The following MSH6 variants were observed in gnomAD, a reference collection of about 807,000 sequenced individuals.
MSH6 encodes DNA mismatch repair protein Msh6.
A neutral mutation model predicts 119.1 loss-of-function variants in MSH6; 85 were observed. The observed-to-expected ratio is 0.71, with a 90% CI of 0.60 to 0.85. The LOEUF is 0.85. Among genes scored for constraint, MSH6 ranks in the 40% least tolerant of loss-of-function variants. The pLI, the probability that MSH6 is intolerant of heterozygous loss-of-function variation, is 0.00. For synonymous variants in MSH6, 830 were observed against 586.9 expected (o/e 1.41, Z -5.99); for missense variants, 2,163 against 1,655.3 (o/e 1.31, Z -5.32).
rs1572724900 is a variant in MSH6 at position 47,799,894 on chromosome 2, C to T, written c.1911C>T (p.Leu637=). The part of the protein sequence containing the change: ...FWDASKTLRT[L]LEEEYFREKL... ...ATGCATCCAAAACTTTGAGAACTCT[C>T]CTTGAGGAAGAATATTTTAGGGAAA... Residue 637 remains leucine (L), a synonymous_variant, in exon 4 of 10, where the codon CTC becomes CTT. Coordinates refer to ENST00000234420, the MANE Select transcript of MSH6 (RefSeq NM_000179.3). The T allele has an allele frequency of 6.2e-7, 1 of 1,614,176 alleles. No individual in the cohort carries two copies. Among genetic ancestry groups the T allele is most frequent in the South Asian group, 1.1e-5 (1 of 91,084 alleles).
At chr2:47,790,363 G>A (rs936600379) in intron 1 of MSH6, among the ~76,000 whole-genome samples, 19 of 152,202 alleles carry the variant, frequency 1.2e-4, no homozygotes, top group East Asian at 1.9e-4. Context: ...GGCACGTTAC[G>A]CCCTCAGTTG....
intron 2 of MSH6, among the ~76,000 whole-genome samples, chr2:47,792,827 C>G (rs965206024): frequency 6.6e-6 from 1 of 150,544 alleles, no homozygotes; most frequent in Admixed American, 6.6e-5. Flanking sequence ...TGCCACCACA[C>G]CTGGCTAATT....
At chr2:47,784,497 C>G (rs1668225746) in intron 1 of MSH6, 1 of 152,018 alleles carries the variant, frequency 6.6e-6, no homozygotes, top group African/African-American at 2.4e-5. Flanking sequence ...GAGAGTTTCG[C>G]TCAAGTCCAG....
In MSH6 at chr2:47,783,584, G is replaced by A. The variant is rs553929240; in HGVS notation, c.260+91G>A. On this transcript the variant is annotated intron_variant, in intron 1 of 9. Transcript: ENST00000234420. ...GGAGGCTCGCACAGGGGGTTGGGGG[G>A]GTGCACGGCCTGGCCCTGGGCTCGG... The A allele has an allele frequency of 3.1e-4, 396 of 1,293,138 alleles. 1 individual carries two copies. Among genetic ancestry groups the A allele is most frequent in the South Asian group, 2.0e-4 (12 of 59,510 alleles). The allele number at this position is 1,293,138 out of a possible 1,614,324, so 80.1% of individuals were successfully genotyped here.
At position 47,806,509 on chromosome 2, in the gene MSH6, T is replaced by C. The variant is rs1553333474; in HGVS notation, c.3859T>C (p.Tyr1287His). ...DPSQETITFL[Y>H]KFIKGACPKS... ...CAGCCAGGAGACTATTACGTTCCTC[T>C]ATAAATTCATTAAGGGAGCTTGTCC... Residue 1287 changes from tyrosine to histidine, a missense_variant, in exon 9 of 10, where the codon TAT (tyrosine) becomes CAT (histidine). Transcript: ENST00000234420. The C allele has an allele frequency of 6.2e-7, 1 of 1,614,098 alleles. No homozygotes were observed. Among genetic ancestry groups the C allele is most frequent in the South Asian group, 1.1e-5 (1 of 91,086 alleles).
chr2:47,796,170 G>T (rs1558656897), intron 3 of MSH6, 107 bp downstream of exon 3: 1 of 1,160,228 alleles, frequency 8.6e-7, no homozygotes, highest in Non-Finnish European at 1.3e-6. Flanking sequence ...GTGTGTATAT[G>T]TATTATTTTA....
At chr2:47,788,850 G>C (rs1436230074) in intron 1 of MSH6, among the ~76,000 whole-genome samples, 1 of 145,300 alleles carries the variant, frequency 6.9e-6, no homozygotes, top group Non-Finnish European at 1.5e-5. Flanking sequence ...GGGATTATAG[G>C]AGTGAGCCAC....
chr2:47,801,784 A>G (rs1364591771), intron 4 of MSH6, among the ~76,000 whole-genome samples: 1 of 151,978 alleles, frequency 6.6e-6, no homozygotes, highest in African/African-American at 2.4e-5. Flanking sequence ...ATTTACAGGT[A>G]AGCACCGGCG....
intron 1 of MSH6, chr2:47,789,412 T>A: frequency 2.1e-6 from 1 of 466,076 alleles, no homozygotes; most frequent in East Asian, 6.1e-5. Context: ...ACACAAACTT[T>A]TTTTTCCTAG....
chr2:47,793,651 A>C (rs1440537822), intron 2 of MSH6, among the ~76,000 whole-genome samples: 1 of 151,830 alleles, frequency 6.6e-6, no homozygotes, highest in Admixed American at 6.6e-5. Context: ...ATAATAAATA[A>C]AGTAAAAAGA....
chr2:47,800,402 G>C lies in MSH6; in HGVS notation c.2419G>C (p.Glu807Gln), dbSNP rs587779923. ...CATGGTTGTGCCTGACAAAATCTCC[G>C]AAGTTGTAGAGCTTCTAAAGAAGCT... Reference protein sequence around the residue: ...DLMVVPDKISEVVELLKKLPD... With the variant: ...DLMVVPDKISQVVELLKKLPD... The change falls in exon 4 of 10, where the codon GAA becomes CAA. Residue 807 changes from glutamate to glutamine, a missense_variant. Physicochemically the swap from Glu to Gln is conservative, Grantham distance 29 (BLOSUM62 2). Coordinates refer to ENST00000234420, the MANE Select transcript of MSH6 (RefSeq NM_000179.3). 1 of 1,614,014 alleles carries C rather than the reference G, an allele frequency of 6.2e-7. No individual in the cohort carries two copies. The highest frequency in any genetic ancestry group is 8.5e-7 in the Non-Finnish European group (1 of 1,180,008).
In MSH6 at chr2:47,783,200, C is replaced by G. The variant is rs771435695; in HGVS notation, c.-34C>G. On this transcript the variant is annotated 5_prime_UTR_variant, in exon 1 of 10. Coordinates refer to ENST00000234420, the MANE Select transcript of MSH6 (RefSeq NM_000179.3). ...GATGCGGTGCTTTTAGGAGCTCCGT[C>G]CGACAGAACGGTTGGGCCTTGCCGG... The G allele has an allele frequency of 1.3e-5, 21 of 1,609,494 alleles. No individual in the cohort carries two copies. Among genetic ancestry groups the G allele is most frequent in the Non-Finnish European group, 9.3e-6 (11 of 1,178,832 alleles).
Position 47,801,013 on chromosome 2 carries a change from T to C in MSH6, c.3030T>C (p.Thr1010=), listed in dbSNP as rs1060504753. The C allele has an allele frequency of 6.4e-7, 1 of 1,571,994 alleles. No homozygotes were observed. The highest frequency in any genetic ancestry group is 8.6e-7 in the Non-Finnish European group (1 of 1,160,706). Residue 1010 remains threonine (T), a synonymous_variant, in exon 4 of 10, where the codon ACT becomes ACC. Transcript: ENST00000234420. ...GCTGTAAACGATACTGGACCAAAAC[T>C]ATTGAAAAGAAGTTGGCTAATCTCA... The part of the protein sequence containing the change: ...KKGCKRYWTK[T]IEKKLANLIN...
intron 2 of MSH6, among the ~76,000 whole-genome samples, chr2:47,794,879 C>T (rs1668975650): frequency 6.6e-6 from 1 of 152,146 alleles, no homozygotes; most frequent in Admixed American, 6.6e-5. Context: ...ACTGCAACCT[C>T]TGCCTCCCGG....
At chr2:47,788,516 G>A (rs1397005363) in intron 1 of MSH6, among the ~76,000 whole-genome samples, 1 of 147,210 alleles carries the variant, frequency 6.8e-6, no homozygotes, top group Non-Finnish European at 1.5e-5. Context: ...GCCTTTCAAA[G>A]TGCTGGGATT....
intron 1 of MSH6, among the ~76,000 whole-genome samples, chr2:47,785,195 TAACTC>T (rs1276556458): frequency 6.6e-6 from 1 of 151,118 alleles, no homozygotes; most frequent in African/African-American, 2.4e-5. Flanking sequence ...TCAGAAAAAA[TAACTC>T]ATTCAAGATA....
rs1669308493 is a variant in MSH6 at position 47,799,191 on chromosome 2, T to G, written c.1208T>G (p.Leu403Arg). The G allele has an allele frequency of 1.9e-6, 3 of 1,614,168 alleles. No individual in the cohort carries two copies. Among genetic ancestry groups the G allele is most frequent in the Non-Finnish European group, 2.5e-6 (3 of 1,180,014 alleles). ...ACACTCTATGTGCCTGAGGATTTCC[T>G]CAATTCTTGTACTCCTGGGATGAGG... is the stretch of plus-strand genomic sequence containing the variant. Reference protein sequence around the residue: ...ASTLYVPEDFLNSCTPGMRKW... With the variant: ...ASTLYVPEDFRNSCTPGMRKW... Residue 403 changes from leucine (L) to arginine (R), a missense_variant, in exon 4 of 10, where the codon CTC (leucine) becomes CGC (arginine). By Grantham distance (102) the Leu-to-Arg change is moderately radical. Coordinates refer to ENST00000234420, the MANE Select transcript of MSH6 (RefSeq NM_000179.3).
chr2:47,797,858 A>G (rs1669191137), intron 3 of MSH6: 5 of 235,346 alleles, frequency 2.1e-5, no homozygotes, highest in Admixed American at 1.6e-4. Flanking sequence ...TCCCAGTTCA[A>G]AATGCTTGCA....
chr2:47,786,754 G>C (rs1404486296), intron 1 of MSH6, among the ~76,000 whole-genome samples: 1 of 151,812 alleles, frequency 6.6e-6, no homozygotes, highest in Non-Finnish European at 1.5e-5. Flanking sequence ...ATTTGTGTGT[G>C]ATATAAATGT....
Sources: gnomAD v4.1 joint callset for allele counts (sites outside exome capture counted in the v4.1 genomes callset) on GRCh38, gnomAD v4.1.1 for gene constraint, MANE v1.5 for transcripts, NCBI Gene and HGNC (gene_info 2026-07-23, HGNC 2026-07-21) for gene names.